TANC2: variants seen among roughly 807,000 people sequenced by gnomAD.
TANC2 encodes protein TANC2.
A neutral mutation model predicts 210.5 loss-of-function variants in TANC2; 26 were observed. The ratio of observed to expected loss-of-function variants is 0.12; its 90% CI spans 0.09 to 0.17. The LOEUF is 0.17. Among genes scored for constraint, TANC2 ranks in the 10% least tolerant of loss-of-function variants. The probability of loss-of-function intolerance (pLI) is 1.00; values close to 1 mark genes in which losing one functional copy is unlikely to be tolerated. For synonymous variants in TANC2, 931 were observed against 967.1 expected (o/e 0.96, Z 0.69); for missense variants, 2,129 against 2,608.9 (o/e 0.82, Z 4.01).
chr17:63,165,857 AT>A (rs1217863449), intron 5 of TANC2, among the ~76,000 whole-genome samples: 1 of 152,204 alleles, frequency 6.6e-6, no homozygotes, highest in African/African-American at 2.4e-5. Context: ...CATATTTTGT[AT>A]GTCAAACATA....
chr17:62,979,528 T>A (rs1257066479), intron 1 of TANC2, among the ~76,000 whole-genome samples: 1 of 152,230 alleles, frequency 6.6e-6, no homozygotes, highest in South Asian at 2.1e-4. Flanking sequence ...AAATAAATTT[T>A]AAAAATATTT....
chr17:63,095,744 A>C (rs142768109), intron 3 of TANC2, among the ~76,000 whole-genome samples: 1 of 152,164 alleles, frequency 6.6e-6, no homozygotes, highest in Non-Finnish European at 1.5e-5. Flanking sequence ...CTATTTACCC[A>C]GGAAAAAATG....
At chr17:63,368,050 T>C (rs1290273005) in intron 14 of TANC2, among the ~76,000 whole-genome samples, 1 of 152,162 alleles carries the variant, frequency 6.6e-6, no homozygotes, top group African/African-American at 2.4e-5. Context: ...TGGTAAGACC[T>C]ATAACAGGAG....
chr17:63,381,882 AG>A (rs2047622823), intron 15 of TANC2, among the ~76,000 whole-genome samples: 1 of 152,232 alleles, frequency 6.6e-6, no homozygotes, highest in African/African-American at 2.4e-5. Flanking sequence ...GCCGACAAAA[AG>A]ATCCCTTACC....
intron 9 of TANC2, among the ~76,000 whole-genome samples, chr17:63,276,236 G>C (rs1040927430): frequency 6.6e-6 from 1 of 151,950 alleles, no homozygotes; most frequent in African/African-American, 2.4e-5. Context: ...ACTTTAAAAT[G>C]TTTTATCTTA....
intron 1 of TANC2, among the ~76,000 whole-genome samples, chr17:62,979,213 G>T (rs2032178877): frequency 6.6e-6 from 1 of 152,038 alleles, no homozygotes; most frequent in African/African-American, 2.4e-5. Context: ...TAATCTCACG[G>T]TATACTTTAT....
At chr17:63,064,318 A>G (rs953588520) in intron 2 of TANC2, among the ~76,000 whole-genome samples, 2 of 152,020 alleles carry the variant, frequency 1.3e-5, no homozygotes, top group Admixed American at 6.6e-5. Context: ...AAAGTTAGCC[A>G]GCTGTCTTGG....
intron 26 of TANC2, 50 bp downstream of exon 26, chr17:63,415,724 C>A: frequency 1.9e-6 from 3 of 1,587,900 alleles, no homozygotes; most frequent in Non-Finnish European, 2.6e-6. Flanking sequence ...TAGCTGATAG[C>A]CTGTGTCACT....
intron 8 of TANC2, among the ~76,000 whole-genome samples, chr17:63,258,512 A>G (rs1377418884): frequency 2.0e-5 from 3 of 152,054 alleles, no homozygotes; most frequent in Admixed American, 6.6e-5. Context: ...GAACCTTGAA[A>G]TCTACTTGGT....
chr17:63,134,516 TTTAG>T (rs1398816797), intron 4 of TANC2, among the ~76,000 whole-genome samples: 2 of 152,226 alleles, frequency 1.3e-5, no homozygotes, highest in Admixed American at 6.5e-5. Flanking sequence ...AGATCCATAT[TTTAG>T]TTTCTGTTCC....
At chr17:63,134,214 A>T (rs2039013877) in intron 4 of TANC2, among the ~76,000 whole-genome samples, 1 of 152,166 alleles carries the variant, frequency 6.6e-6, no homozygotes, top group African/African-American at 2.4e-5. Context: ...CATCCGCTCT[A>T]GATGCCAAAC....
chr17:63,112,499 G>A (rs892568246), intron 4 of TANC2, among the ~76,000 whole-genome samples: 6 of 152,268 alleles, frequency 3.9e-5, no homozygotes, highest in Admixed American at 2.6e-4. Flanking sequence ...ATGTGGCAGG[G>A]TTAAGGCTCA....
rs1397456251 is a variant in TANC2, at chr17:63,314,508, C to T, written c.1280C>T (p.Ala427Val). 1.9e-6 allele frequency: 3 copies of T among 1,613,814 alleles called. No homozygotes were observed. In the African/African-American group the frequency reaches 4.0e-5, roughly 22 times the overall value. ...GATTGGGTTTTCCACGAAATAGATG[C>T]TCAACTTCAAAGTTCAAATGCCAGC... The change falls in exon 10 of 28, where the codon GCT becomes GTT. Residue 427 changes from alanine to valine, a missense_variant. Ala to Val is a moderately conservative substitution (Grantham distance 64). Transcript: ENST00000689528.
chr17:63,109,526 A>T (rs1055329750), intron 4 of TANC2, among the ~76,000 whole-genome samples: 2 of 151,762 alleles, frequency 1.3e-5, no homozygotes, highest in Non-Finnish European at 2.9e-5. Context: ...TAGAAATCAA[A>T]GATCTCCAAG....
At chr17:63,405,159 G>A (rs1567990948) in exon 20 of TANC2, 1 of 1,613,280 alleles carries the variant, frequency 6.2e-7, no homozygotes, top group Non-Finnish European at 8.5e-7. Flanking sequence ...AACTGGAGGT[G>A]TGCCGTTTGC....
intron 9 of TANC2, among the ~76,000 whole-genome samples, chr17:63,296,411 ATAAG>A (rs758373290): frequency 6.6e-6 from 1 of 152,206 alleles, no homozygotes; most frequent in Non-Finnish European, 1.5e-5. Context: ...TAGGGCCAAA[ATAAG>A]CAATAACAGC....
intron 2 of TANC2, among the ~76,000 whole-genome samples, chr17:63,064,760 TTAAA>T (rs757802342): frequency 6.6e-6 from 1 of 152,270 alleles, no homozygotes; most frequent in Admixed American, 6.5e-5. Context: ...AAGTTATAAT[TTAAA>T]AATAAAAGTA....
chr17:63,019,513 T>G (rs1316567253), intron 2 of TANC2, among the ~76,000 whole-genome samples: 7 of 152,154 alleles, frequency 4.6e-5, no homozygotes, highest in African/African-American at 1.7e-4. Context: ...ATACTGTGCC[T>G]GGCTTTATGT....
At chr17:63,128,146 AACTC>A (rs1229362536) in intron 4 of TANC2, among the ~76,000 whole-genome samples, 1 of 152,168 alleles carries the variant, frequency 6.6e-6, no homozygotes, top group Non-Finnish European at 1.5e-5. Context: ...GCTTTGGAAA[AACTC>A]AATATCAATA....
Sources: gnomAD v4.1 joint callset for allele counts (sites outside exome capture counted in the v4.1 genomes callset) on GRCh38, gnomAD v4.1.1 for gene constraint, MANE v1.5 for transcripts, NCBI Gene and HGNC (gene_info 2026-07-23, HGNC 2026-07-21) for gene names.